Variants in SPAG16 observed in about 807,000 individuals in gnomAD.
SPAG16 encodes the protein sperm-associated antigen 16 protein.
SPAG16 carries 86 observed loss-of-function variants against 80.4 expected under a neutral mutation model. The ratio of observed to expected loss-of-function variants is 1.07; its 90% confidence interval spans 0.90 to 1.28. The LOEUF (loss-of-function observed/expected upper bound fraction) is 1.28, where lower values mean the gene tolerates loss of function less well. SPAG16 is among the 50% of genes most tolerant of loss of function. The pLI is 0.00. For missense variants in SPAG16, 870 were observed against 765.3 expected, an observed-to-expected ratio of 1.14 and a Z score of -1.61; for synonymous variants, 294 against 265.9, an observed-to-expected ratio of 1.11 and a Z score of -1.03.
At chr2:214,146,858 G>A (rs2055667499) in intron 14 of SPAG16, among the ~76,000 whole-genome samples, 1 of 151,902 alleles carries the variant, frequency 6.6e-6, no homozygotes, top group African/African-American at 2.4e-5. Flanking sequence ...AAATTAGCCG[G>A]GTGTGGTGGC....
intron 15 of SPAG16, among the ~76,000 whole-genome samples, chr2:214,335,280 C>T (rs1369987416): frequency 6.6e-6 from 1 of 152,092 alleles, no homozygotes; most frequent in East Asian, 1.9e-4. Flanking sequence ...AGCCAATACT[C>T]CTAGCAACTG....
At chr2:213,619,119 G>A (rs915661698) in intron 10 of SPAG16, among the ~76,000 whole-genome samples, 1 of 152,118 alleles carries the variant, frequency 6.6e-6, no homozygotes. Flanking sequence ...TAAATTTTAT[G>A]CAATGATTAG....
chr2:213,561,333 A>G (rs2059593041), intron 10 of SPAG16, among the ~76,000 whole-genome samples: 1 of 152,242 alleles, frequency 6.6e-6, no homozygotes, highest in South Asian at 2.1e-4. Flanking sequence ...TTATAATATT[A>G]TGATTATTTA....
At chr2:214,319,993 G>A (rs796316825) in intron 15 of SPAG16, among the ~76,000 whole-genome samples, 31 of 152,238 alleles carry the variant, frequency 2.0e-4, no homozygotes, top group African/African-American at 7.5e-4. Context: ...TCTCTAGTGC[G>A]ACAAAATTAC....
chr2:213,671,944 T>A (rs1004946100), intron 10 of SPAG16, among the ~76,000 whole-genome samples: 1 of 152,202 alleles, frequency 6.6e-6, no homozygotes, highest in African/African-American at 2.4e-5. Flanking sequence ...TAATCAAATA[T>A]TATCCCCATT....
At chr2:213,672,688 TATA>T (rs2063858719) in intron 10 of SPAG16, among the ~76,000 whole-genome samples, 1 of 152,154 alleles carries the variant, frequency 6.6e-6, no homozygotes, top group Non-Finnish European at 1.5e-5. Flanking sequence ...CAACTGCTTT[TATA>T]ATATTTATAT....
chr2:213,666,924 A>G (rs2063627986), intron 10 of SPAG16, among the ~76,000 whole-genome samples: 1 of 152,202 alleles, frequency 6.6e-6, no homozygotes, highest in Admixed American at 6.5e-5. Flanking sequence ...TCTGGATACA[A>G]TGGTGACTCT....
chr2:213,719,492 A>T (rs571939034), intron 10 of SPAG16, among the ~76,000 whole-genome samples: 53 of 152,296 alleles, frequency 3.5e-4, no homozygotes, highest in African/African-American at 1.2e-3. Flanking sequence ...AGGGATTGTA[A>T]ACACACCAAT....
chr2:213,600,063 A>AT (rs2061010862), intron 10 of SPAG16, among the ~76,000 whole-genome samples: 1 of 152,156 alleles, frequency 6.6e-6, no homozygotes, highest in South Asian at 2.1e-4. Flanking sequence ...TCTAATCCCC[A>AT]TATTGTTCCA....
intron 10 of SPAG16, among the ~76,000 whole-genome samples, chr2:213,633,504 T>C (rs2062235738): frequency 6.6e-6 from 1 of 152,164 alleles, no homozygotes; most frequent in South Asian, 2.1e-4. Flanking sequence ...TCTGTAGCTC[T>C]TAGATGAAAT....
chr2:214,189,694 T>C (rs2057594920), intron 15 of SPAG16, among the ~76,000 whole-genome samples: 1 of 152,088 alleles, frequency 6.6e-6, no homozygotes, highest in Non-Finnish European at 1.5e-5. Context: ...CATGATATTT[T>C]GATAGAACTA....
intron 9 of SPAG16, among the ~76,000 whole-genome samples, chr2:213,385,786 C>G (rs2125263793): frequency 1.5e-5 from 1 of 65,484 alleles, no homozygotes; most frequent in Admixed American, 2.1e-4. Context: ...ATTTCTTCAT[C>G]TCTGTCCACA....
intron 10 of SPAG16, among the ~76,000 whole-genome samples, chr2:213,635,931 G>A (rs954985827): frequency 2.6e-5 from 4 of 152,098 alleles, no homozygotes; most frequent in African/African-American, 9.7e-5. Flanking sequence ...ATTTCTTGCT[G>A]TGCAGAAGCA....
At chr2:213,980,196 T>A (rs1575714903) in intron 12 of SPAG16, among the ~76,000 whole-genome samples, 1 of 141,522 alleles carries the variant, frequency 7.1e-6, no homozygotes, top group Admixed American at 7.5e-5. Context: ...AATACAAATT[T>A]TATATATATA....
intron 10 of SPAG16, among the ~76,000 whole-genome samples, chr2:213,533,533 C>T (rs1451816832): frequency 4.6e-5 from 7 of 152,048 alleles, no homozygotes; most frequent in Non-Finnish European, 7.4e-5. Flanking sequence ...ACTGAATTTG[C>T]GTGTTGTGAA....
At chr2:214,104,583 A>G (rs1236137948) in intron 13 of SPAG16, among the ~76,000 whole-genome samples, 2 of 150,734 alleles carry the variant, frequency 1.3e-5, no homozygotes, top group Non-Finnish European at 3.0e-5. Context: ...GTGGGGGAAG[A>G]AAAAGAGGTA....
intron 9 of SPAG16, among the ~76,000 whole-genome samples, chr2:213,482,183 G>T (rs2073780425): frequency 6.6e-6 from 1 of 152,228 alleles, no homozygotes; most frequent in African/African-American, 2.4e-5. Context: ...AGGACCACAG[G>T]CTGGATGGGA....
At chr2:213,953,445 G>C (rs1476208002) in intron 12 of SPAG16, among the ~76,000 whole-genome samples, 3 of 151,806 alleles carry the variant, frequency 2.0e-5, no homozygotes, top group African/African-American at 7.2e-5. Context: ...GAAATTCCCA[G>C]AGCTAAAGAA....
At chr2:214,319,200 C>CCACACACACACA (rs61711759) in intron 15 of SPAG16, among the ~76,000 whole-genome samples, 10,650 of 142,246 alleles carry the variant, frequency 0.075, 856 homozygotes, top group African/African-American at 0.2. Flanking sequence ...CACACACACA[C>CCACACACACACA]CACACACACA....
Sources: gnomAD v4.1 joint callset for allele counts (sites outside exome capture counted in the v4.1 genomes callset) on GRCh38, gnomAD v4.1.1 for gene constraint, MANE v1.5 for transcripts, NCBI Gene and HGNC (gene_info 2026-07-23, HGNC 2026-07-21) for gene names.